Variants in PLS1 observed in about 807,000 individuals in gnomAD.
The protein encoded by PLS1 is plastin 1, also known as plastin-1.
A neutral mutation model predicts 73.7 loss-of-function variants in PLS1; 32 were observed. That is an observed-to-expected ratio of 0.43 (90% confidence interval 0.33 to 0.58). PLS1 has a LOEUF of 0.58. PLS1 is among the 20% of genes least tolerant of loss of function. The pLI, the probability that PLS1 is intolerant of heterozygous loss-of-function variation, is 0.04. For synonymous variants in PLS1, 217 were observed against 261.3 expected, an observed-to-expected ratio of 0.83 and a Z score of 1.63; for missense variants, 633 against 740.5, an observed-to-expected ratio of 0.85 and a Z score of 1.68.
Position 142,694,532 on chromosome 3 carries a change from T to C in PLS1, c.1241T>C (p.Ile414Thr). Reference protein sequence around the residue: ...WMNSLGVNPYINHLYSDLADA... With the variant: ...WMNSLGVNPYTNHLYSDLADA... ...AATTCCTTGGGAGTCAACCCATACA[T>C]TAATCATTTGTACAGGTAAATATTT... The change falls in exon 11 of 16, where the codon ATT becomes ACT. Residue 414 changes from isoleucine to threonine, a missense_variant. By Grantham distance (89) the Ile-to-Thr change is moderately conservative. Coordinates refer to ENST00000457734, the MANE Select transcript of PLS1 (RefSeq NM_001145319.2). 1 of 1,588,388 alleles carries C rather than the reference T, an allele frequency of 6.3e-7. No individual in the cohort carries two copies.
At chr3:142,670,196 A>C (rs1407698035) in intron 3 of PLS1, among the ~76,000 whole-genome samples, 2 of 152,186 alleles carry the variant, frequency 1.3e-5, no homozygotes, top group African/African-American at 4.8e-5. Flanking sequence ...AAGATGTTAA[A>C]CAGATAAAAG....
At chr3:142,692,551 C>T (rs1408791509) in intron 10 of PLS1, among the ~76,000 whole-genome samples, 1 of 151,870 alleles carries the variant, frequency 6.6e-6, no homozygotes, top group Non-Finnish European at 1.5e-5. Context: ...TAAATAAATG[C>T]TCATTTATAA....
chr3:142,661,663 T>G (rs1045072488), intron 1 of PLS1, among the ~76,000 whole-genome samples: 1 of 152,208 alleles, frequency 6.6e-6, no homozygotes, highest in Non-Finnish European at 1.5e-5. Flanking sequence ...TACAAGTTTA[T>G]AAAAGTGTAT....
intron 1 of PLS1, among the ~76,000 whole-genome samples, chr3:142,643,373 CCA>C (rs2036882412): frequency 6.6e-6 from 1 of 152,148 alleles, no homozygotes; most frequent in Non-Finnish European, 1.5e-5. Context: ...CTTGATTTCT[CCA>C]CAAAGTCTTA....
At chr3:142,645,861 A>G (rs1300748897) in intron 1 of PLS1, among the ~76,000 whole-genome samples, 1 of 152,190 alleles carries the variant, frequency 6.6e-6, no homozygotes, top group Non-Finnish European at 1.5e-5. Flanking sequence ...CCTGAGTATC[A>G]TAAGACAGGT....
chr3:142,623,527 C>T (rs1207665099), intron 1 of PLS1: 1 of 152,204 alleles, frequency 6.6e-6, no homozygotes, highest in African/African-American at 2.4e-5. Flanking sequence ...TTTTTCTGGA[C>T]TTCCAAATCT....
intron 1 of PLS1, among the ~76,000 whole-genome samples, chr3:142,630,631 A>T (rs2036537511): frequency 6.6e-6 from 1 of 151,900 alleles, no homozygotes. Flanking sequence ...AGTGTCTGTA[A>T]TCCCAGCTAC....
intron 12 of PLS1, among the ~76,000 whole-genome samples, chr3:142,703,614 A>G (rs1203295226): frequency 6.6e-6 from 1 of 152,162 alleles, no homozygotes; most frequent in African/African-American, 2.4e-5. Flanking sequence ...CAAGATTTTT[A>G]GAGTAGGAAG....
intron 1 of PLS1, among the ~76,000 whole-genome samples, chr3:142,633,519 G>A (rs1057435814): frequency 8.5e-5 from 13 of 152,110 alleles, no homozygotes; most frequent in African/African-American, 3.1e-4. Context: ...AGCTGGGAGT[G>A]GTGGCAGGCA....
At chr3:142,643,957 G>A (rs2036897552) in intron 1 of PLS1, among the ~76,000 whole-genome samples, 2 of 150,506 alleles carry the variant, frequency 1.3e-5, no homozygotes, top group Admixed American at 6.7e-5. Flanking sequence ...AGCCTCCCAA[G>A]TTGCTGGGAT....
At chr3:142,658,476 C>CA (rs56710799) in intron 1 of PLS1, among the ~76,000 whole-genome samples, 4,351 of 99,354 alleles carry the variant, frequency 0.044, 208 homozygotes, top group African/African-American at 0.12. Flanking sequence ...ACTTTGTCTC[C>CA]AAAAAAAAAA....
intron 9 of PLS1, among the ~76,000 whole-genome samples, chr3:142,689,269 C>T (rs2038036506): frequency 6.6e-6 from 1 of 151,882 alleles, no homozygotes. Context: ...ACTAAAAATA[C>T]AAAAATTAGC....
chr3:142,630,105 C>G (rs73228787), intron 1 of PLS1, among the ~76,000 whole-genome samples: 1 of 152,010 alleles, frequency 6.6e-6, no homozygotes, highest in Non-Finnish European at 1.5e-5. Flanking sequence ...GGTTTCCCCC[C>G]ACCTACAGAA....
At chr3:142,621,929 T>C (rs2036322846) in intron 1 of PLS1, among the ~76,000 whole-genome samples, 2 of 152,182 alleles carry the variant, frequency 1.3e-5, no homozygotes, top group South Asian at 4.1e-4. Flanking sequence ...GAATTTTCAA[T>C]GCAAAAAACA....
chr3:142,686,393 A>G lies in PLS1; in HGVS notation c.981+17A>G. 1 of 1,452,048 alleles carries G rather than the reference A, an allele frequency of 6.9e-7. No individual in the cohort carries two copies. Among genetic ancestry groups the G allele is most frequent in the Non-Finnish European group, 9.7e-7 (1 of 1,032,382 alleles). The allele number at this position is 1,452,048 out of a possible 1,614,324, so 89.9% of individuals were successfully genotyped here. On this transcript the variant is annotated intron_variant, in intron 9 of 15. Transcript: ENST00000457734. ...GGAATTAATGTGAGTGCAATTTTTA[A>G]CTTTTAAAATATATTGTGGTAAAAC...
At chr3:142,651,398 G>A (rs2037085693) in intron 1 of PLS1, among the ~76,000 whole-genome samples, 1 of 147,962 alleles carries the variant, frequency 6.8e-6, no homozygotes, top group Admixed American at 6.9e-5. Flanking sequence ...GGAGGCAGAG[G>A]TTGTAGTGAG....
intron 9 of PLS1, 48 bp downstream of exon 9, chr3:142,686,424 T>A: frequency 9.2e-7 from 1 of 1,089,334 alleles, no homozygotes; most frequent in Non-Finnish European, 1.4e-6. Flanking sequence ...AAAACAGACG[T>A]AGAAAATTTA....
At chr3:142,707,344 T>C (rs915208047) in intron 14 of PLS1, among the ~76,000 whole-genome samples, 10 of 115,276 alleles carry the variant, frequency 8.7e-5, no homozygotes, top group Non-Finnish European at 1.6e-4. Flanking sequence ...AAATTTACCC[T>C]TTTTAGCCAT....
At chr3:142,613,125 C>T (rs2036153557) in intron 1 of PLS1, among the ~76,000 whole-genome samples, 1 of 152,104 alleles carries the variant, frequency 6.6e-6, no homozygotes, top group South Asian at 2.1e-4. Context: ...TATTCTCATC[C>T]TGGAAAGTCT....
Sources: allele counts gnomAD v4.1 joint callset (sites outside exome capture counted in the v4.1 genomes callset), GRCh38; gene constraint gnomAD v4.1.1; transcripts MANE v1.5; gene names NCBI Gene and HGNC (gene_info 2026-07-23, HGNC 2026-07-21).